The following ZNF469 variants were observed in gnomAD, a reference collection of about 807,000 sequenced individuals.
ZNF469 encodes zinc finger protein 469.
A neutral mutation model predicts 1.0 loss-of-function variants in ZNF469; 1 was observed. The ratio of observed to expected loss-of-function variants is 1.00; its 90% CI spans 0.35 to 4.73. The LOEUF (loss-of-function observed/expected upper bound fraction) is 4.73. Among genes scored for constraint, ZNF469 ranks in the 30% most tolerant of loss-of-function variants. ZNF469 has a pLI of 0.16. For missense variants in ZNF469, 6,100 were observed against 5,356.3 expected, an observed-to-expected ratio of 1.14 and a Z score of -4.33; for synonymous variants, 2,703 against 2,363.4, an observed-to-expected ratio of 1.14 and a Z score of -4.17.
chr16:88,107,727 G>C, the ZNF469 span, among the ~76,000 whole-genome samples: 1 of 152,242 alleles, frequency 6.6e-6, no homozygotes, highest in Non-Finnish European at 1.5e-5. Flanking sequence ...ACATAGACGC[G>C]GAGGCAGAGA....
At chr16:88,165,915 C>T in the ZNF469 span, among the ~76,000 whole-genome samples, 4 of 152,236 alleles carry the variant, frequency 2.6e-5, no homozygotes, top group Admixed American at 6.5e-5. Flanking sequence ...ACAAAGCCCC[C>T]GAGACTCATC....
the ZNF469 span, among the ~76,000 whole-genome samples, chr16:88,236,142 T>C: frequency 2.6e-5 from 4 of 152,166 alleles, no homozygotes; most frequent in African/African-American, 9.7e-5. Context: ...ATGGCAAATG[T>C]CTCCTATTGA....
At chr16:88,154,330 G>T in the ZNF469 span, among the ~76,000 whole-genome samples, 14 of 152,116 alleles carry the variant, frequency 9.2e-5, no homozygotes. Context: ...GCTAATTTTT[G>T]TATTTTTAGT....
the ZNF469 span, among the ~76,000 whole-genome samples, chr16:88,155,602 C>T: frequency 3.9e-5 from 6 of 152,214 alleles, no homozygotes; most frequent in African/African-American, 1.4e-4. Context: ...CTCCAAATGG[C>T]GTTCTCCATC....
chr16:88,325,519 A>G, the ZNF469 span, among the ~76,000 whole-genome samples: 1 of 152,252 alleles, frequency 6.6e-6, no homozygotes, highest in Non-Finnish European at 1.5e-5. Flanking sequence ...CACTGCAGCC[A>G]GGGGCACTAT....
the ZNF469 span, among the ~76,000 whole-genome samples, chr16:88,282,961 C>T: frequency 1.3e-5 from 2 of 152,210 alleles, no homozygotes; most frequent in Non-Finnish European, 1.5e-5. Flanking sequence ...AGTATCCTGA[C>T]ATTTAGCTTA....
chr16:88,193,512 A>G, the ZNF469 span: 3 of 152,210 alleles, frequency 2.0e-5, no homozygotes, highest in Admixed American at 6.5e-5. Flanking sequence ...TAGCCTGGGC[A>G]CTACACAGGA....
chr16:88,113,836 G>A, the ZNF469 span, among the ~76,000 whole-genome samples: 1 of 152,198 alleles, frequency 6.6e-6, no homozygotes, highest in African/African-American at 2.4e-5. Context: ...GCAGCCTCTT[G>A]CTTTGGAAAG....
At chr16:88,329,154 CAG>C in the ZNF469 span, among the ~76,000 whole-genome samples, 3 of 152,138 alleles carry the variant, frequency 2.0e-5, no homozygotes, top group African/African-American at 7.2e-5. Context: ...CTGTCAACAA[CAG>C]GGAGCCACAG....
At chr16:88,129,300 C>T in the ZNF469 span, among the ~76,000 whole-genome samples, 4 of 152,314 alleles carry the variant, frequency 2.6e-5, no homozygotes, top group Non-Finnish European at 2.9e-5. Flanking sequence ...TGAGCCATCA[C>T]GGCAGCCTCT....
the ZNF469 span, among the ~76,000 whole-genome samples, chr16:88,161,550 A>G: frequency 6.6e-6 from 1 of 152,228 alleles, no homozygotes; most frequent in Admixed American, 6.5e-5. Flanking sequence ...CTCAGCGTTT[A>G]GAGAAAACGT....
chr16:88,251,549 T>G, the ZNF469 span, among the ~76,000 whole-genome samples: 9 of 27,440 alleles, frequency 3.3e-4, 2 homozygotes, highest in Non-Finnish European at 5.2e-4. Context: ...TTTTTTTTTT[T>G]TTTTTTTTTT....
At chr16:88,195,675 C>T in the ZNF469 span, among the ~76,000 whole-genome samples, 14 of 152,126 alleles carry the variant, frequency 9.2e-5, no homozygotes, top group South Asian at 2.1e-4. Context: ...GGCAGATGGA[C>T]GTTTGAAGAA....
the ZNF469 span, chr16:88,276,395 C>T: frequency 6.6e-6 from 1 of 152,206 alleles, no homozygotes; most frequent in Non-Finnish European, 1.5e-5. Context: ...AACTGCCCAC[C>T]CTGGGGGGCT....
At chr16:88,427,014 G>T (rs1229113362) in intron 2 of ZNF469, among the ~76,000 whole-genome samples, 1 of 152,104 alleles carries the variant, frequency 6.6e-6, no homozygotes, top group African/African-American at 2.4e-5. Flanking sequence ...CAGCCTGGCC[G>T]AGGACTGCTC....
At chr16:88,239,037 C>T in the ZNF469 span, among the ~76,000 whole-genome samples, 10 of 152,108 alleles carry the variant, frequency 6.6e-5, no homozygotes, top group East Asian at 1.2e-3. Flanking sequence ...CATGGTAAAA[C>T]GGGCTATGAG....
chr16:88,432,934 C>T lies in ZNF469; in HGVS notation c.5464C>T (p.Pro1822Ser), dbSNP rs749072244. 3 of 1,550,402 alleles carry T rather than the reference C, an allele frequency of 1.9e-6. No homozygotes were observed. The East Asian group carries it at 7.3e-5, about 38-fold the overall frequency. The change falls in exon 3 of 3, where the codon CCT becomes TCT. Residue 1822 changes from proline to serine, a missense_variant. Pro to Ser is a moderately conservative substitution (Grantham distance 74). Coordinates refer to ENST00000565624, the MANE Select transcript of ZNF469 (RefSeq NM_001367624.2). ...DGAPPLDATW[P>S]FGASPSHAAQ... Reference sequence around the variant, plus strand: ...GGCTCCACCTCTGGATGCCACCTGGCCTTTTGGTGCCAGTCCCAGCCATGC... The same window carrying T: ...GGCTCCACCTCTGGATGCCACCTGGTCTTTTGGTGCCAGTCCCAGCCATGC...
At chr16:88,348,360 C>G in the ZNF469 span, among the ~76,000 whole-genome samples, 3 of 152,150 alleles carry the variant, frequency 2.0e-5, no homozygotes, top group African/African-American at 7.2e-5. Flanking sequence ...GGACACCCAT[C>G]ATAAGATTCA....
chr16:88,112,772 C>CTTTTTTTTTTTTTTTTTTTTTTT, the ZNF469 span, among the ~76,000 whole-genome samples: 1 of 73,482 alleles, frequency 1.4e-5, no homozygotes, highest in African/African-American at 6.0e-5. Context: ...TGTGCAGAAG[C>CTTTTTTTTTTTTTTTTTTTTTTT]TTTTTTTTTT....
Sources: allele counts gnomAD v4.1 joint callset (sites outside exome capture counted in the v4.1 genomes callset), GRCh38; gene constraint gnomAD v4.1.1; transcripts MANE v1.5; gene names NCBI Gene and HGNC (gene_info 2026-07-23, HGNC 2026-07-21).